Variants in CRHR1 observed in about 807,000 individuals in gnomAD.
CRHR1 encodes the protein corticotropin releasing hormone receptor 1.
Under a neutral mutation model 56.0 loss-of-function variants are expected in CRHR1, and 28 were observed. That is an observed-to-expected ratio of 0.50 (90% CI 0.37 to 0.69). CRHR1 has a LOEUF of 0.69. Ranked by LOEUF, CRHR1 falls within the 30% of genes least tolerant of loss-of-function variation. CRHR1 has a pLI of 0.00. For missense variants in CRHR1, 376 were observed against 548.0 expected (o/e 0.69, Z 3.13); for synonymous variants, 195 against 216.5 (o/e 0.90, Z 0.87).
chr17:45,809,888 A>G (rs1428254993), intron 2 of CRHR1, among the ~76,000 whole-genome samples: 67 of 152,268 alleles, frequency 4.4e-4, no homozygotes, highest in Non-Finnish European at 4.4e-5. Flanking sequence ...AGGTAATAGA[A>G]TCATTTACTA....
intron 2 of CRHR1, among the ~76,000 whole-genome samples, chr17:45,815,815 G>A (rs2061915985): frequency 6.6e-6 from 1 of 152,146 alleles, no homozygotes; most frequent in Admixed American, 6.5e-5. Context: ...CCCCCAGATG[G>A]TGTCTCCCTC....
At chr17:45,821,059 C>G (rs1233656913) in intron 3 of CRHR1, among the ~76,000 whole-genome samples, 2 of 152,254 alleles carry the variant, frequency 1.3e-5, no homozygotes, top group African/African-American at 2.4e-5. Flanking sequence ...TGCAAAGGAA[C>G]AGCCCAGGGA....
chr17:45,807,198 G>C (rs2061736668), intron 2 of CRHR1, 101 bp downstream of exon 2: 2 of 1,054,802 alleles, frequency 1.9e-6, no homozygotes, highest in Admixed American at 4.0e-5. Flanking sequence ...CCTAAGGCAG[G>C]ATTTGCAGAG....
At position 45,792,002 on chromosome 17, in the gene CRHR1, G is replaced by A. The variant is rs59022421; in HGVS notation, c.33+7425G>A. ...CCTCTGAGCATAGCCAGACCTGTACGGCAGGTGTGCAATGCCACCTCAAGG... is the reference window on the plus strand; with the variant it reads ...CCTCTGAGCATAGCCAGACCTGTACAGCAGGTGTGCAATGCCACCTCAAGG... On this transcript the variant is annotated intron_variant, in intron 1 of 12. Coordinates refer to ENST00000314537, the MANE Select transcript of CRHR1 (RefSeq NM_004382.5). Among the ~76,000 whole-genome samples, 305 of 152,210 alleles carry A rather than the reference G, an allele frequency of 2.0e-3. 1 individual carries two copies. The highest frequency in any genetic ancestry group is 6.8e-3 in the African/African-American group (281 of 41,520).
In CRHR1 at chr17:45,830,172, G is replaced by T; in HGVS notation, c.513G>T (p.Val171=). 6.2e-7 allele frequency: 1 copy of T among 1,614,138 alleles called. No individual in the cohort carries two copies. Among genetic ancestry groups the T allele is most frequent in the Non-Finnish European group, 8.5e-7 (1 of 1,180,028 alleles). Residue 171 remains valine, a synonymous_variant, in exon 6 of 13, where the codon GTG becomes GTT. Coordinates refer to ENST00000314537, the MANE Select transcript of CRHR1 (RefSeq NM_004382.5). ...TCCTGCGCAACGCCACCTGGTTCGT[G>T]GTCCAGCTAACCATGAGCCCCGAGG... ...AFILRNATWF[V]VQLTMSPEVH...
intron 2 of CRHR1, among the ~76,000 whole-genome samples, chr17:45,811,330 G>T (rs1192410808): frequency 6.6e-6 from 1 of 152,152 alleles, no homozygotes; most frequent in East Asian, 1.9e-4. Flanking sequence ...TTCTTCCCTG[G>T]CAGGTGGGAG....
chr17:45,801,350 A>G (rs543539129), intron 1 of CRHR1, among the ~76,000 whole-genome samples: 4 of 152,220 alleles, frequency 2.6e-5, no homozygotes, highest in Non-Finnish European at 1.5e-5. Context: ...AAAAACAGTT[A>G]TGTGACATTG....
chr17:45,833,693 T>TGGGGGGGGGGGGC, intron 10 of CRHR1, 21 bp from the exon 11 acceptor site: 30 of 1,571,572 alleles, frequency 1.9e-5, no homozygotes, highest in Non-Finnish European at 2.3e-5. Flanking sequence ...ACTCCGAGCC[T>TGGGGGGGGGGGGC]CCCCACCCGC....
At chr17:45,814,096 G>A (rs1376479718) in intron 2 of CRHR1, among the ~76,000 whole-genome samples, 1 of 152,264 alleles carries the variant, frequency 6.6e-6, no homozygotes, top group East Asian at 1.9e-4. Context: ...ACTGGCCGGG[G>A]AAGGGAAGAA....
intron 1 of CRHR1, among the ~76,000 whole-genome samples, chr17:45,794,485 G>C (rs2061482551): frequency 6.6e-6 from 1 of 152,210 alleles, no homozygotes; most frequent in African/African-American, 2.4e-5. Flanking sequence ...CATGCTTCTT[G>C]CACTTGTGTG....
intron 1 of CRHR1, among the ~76,000 whole-genome samples, chr17:45,796,924 T>C (rs1054285059): frequency 6.6e-5 from 10 of 152,166 alleles, no homozygotes; most frequent in South Asian, 4.2e-4. Context: ...ATGAGTCAAT[T>C]TGAGAGCAAA....
At chr17:45,820,836 C>T (rs1414465716) in intron 3 of CRHR1, among the ~76,000 whole-genome samples, 2 of 152,210 alleles carry the variant, frequency 1.3e-5, no homozygotes, top group Non-Finnish European at 2.9e-5. Context: ...GAGGACCTCC[C>T]ACGGCAGCCT....
At chr17:45,789,368 A>C (rs533927427) in intron 1 of CRHR1, among the ~76,000 whole-genome samples, 2 of 151,496 alleles carry the variant, frequency 1.3e-5, no homozygotes, top group East Asian at 3.9e-4. Context: ...CAGAGTCCCT[A>C]GGAATTTTTT....
At chr17:45,832,676 T>A (rs1046130792) in intron 8 of CRHR1, among the ~76,000 whole-genome samples, 1 of 152,192 alleles carries the variant, frequency 6.6e-6, no homozygotes, top group African/African-American at 2.4e-5. Context: ...AGTATTCCTC[T>A]CAAGGTTGTT....
At chr17:45,793,315 A>T (rs996209294) in intron 1 of CRHR1, among the ~76,000 whole-genome samples, 2 of 152,138 alleles carry the variant, frequency 1.3e-5, no homozygotes, top group African/African-American at 4.8e-5. Context: ...ATGGTGGGAG[A>T]TGTTGCTAGA....
intron 2 of CRHR1, among the ~76,000 whole-genome samples, chr17:45,809,840 G>T (rs1453976001): frequency 1.3e-5 from 2 of 152,232 alleles, no homozygotes; most frequent in Non-Finnish European, 1.5e-5. Flanking sequence ...CAGACTTGGC[G>T]ACTCATAAAA....
chr17:45,811,164 C>T (rs911140045), intron 2 of CRHR1, among the ~76,000 whole-genome samples: 1 of 152,256 alleles, frequency 6.6e-6, no homozygotes, highest in Non-Finnish European at 1.5e-5. Flanking sequence ...ATCTGCCAAG[C>T]ACACGTGGAC....
intron 4 of CRHR1, 77 bp from the exon 5 acceptor site, chr17:45,829,138 C>A: frequency 8.7e-7 from 1 of 1,147,846 alleles, no homozygotes; most frequent in Non-Finnish European, 1.3e-6. Context: ...TCCATCCCAG[C>A]CACCCCTAGG....
At chr17:45,802,985 C>T (rs971817278) in intron 1 of CRHR1, among the ~76,000 whole-genome samples, 4 of 152,170 alleles carry the variant, frequency 2.6e-5, no homozygotes, top group South Asian at 2.1e-4. Flanking sequence ...GTGAGCCTCA[C>T]GGGCACAGGG....
Sources: gnomAD v4.1 joint callset for allele counts (sites outside exome capture counted in the v4.1 genomes callset) on GRCh38, gnomAD v4.1.1 for gene constraint, MANE v1.5 for transcripts, NCBI Gene and HGNC (gene_info 2026-07-23, HGNC 2026-07-21) for gene names.